The following GPAT3 variants were observed in gnomAD, a reference collection of about 807,000 sequenced individuals.
GPAT3 encodes the protein glycerol-3-phosphate acyltransferase 3, also known as 1-AGP acyltransferase 9.
GPAT3 carries 53 observed loss-of-function variants against 58.8 expected under a neutral mutation model. That is an observed-to-expected ratio of 0.90 (90% confidence interval 0.72 to 1.13). The LOEUF (loss-of-function observed/expected upper bound fraction) is 1.13. GPAT3 is among the 50% of genes most tolerant of loss of function. The pLI, the probability that GPAT3 is intolerant of heterozygous loss-of-function variation, is 0.00. For missense variants in GPAT3, 511 were observed against 527.6 expected (o/e 0.97, Z 0.31); for synonymous variants, 197 against 187.4 (o/e 1.05, Z -0.42).
chr4:83,568,120 G>A (rs1725471548), intron 2 of GPAT3, among the ~76,000 whole-genome samples: 2 of 151,650 alleles, frequency 1.3e-5, no homozygotes, highest in Admixed American at 1.3e-4. Context: ...TTAAGTAGTG[G>A]GGTGTGCAGG....
intron 2 of GPAT3, among the ~76,000 whole-genome samples, chr4:83,555,096 G>A (rs535671108): frequency 1.7e-4 from 26 of 152,172 alleles, no homozygotes; most frequent in Admixed American, 1.0e-3. Context: ...GAGCCACTGC[G>A]CCTGGCCTCC....
At position 83,569,838 on chromosome 4, in the gene GPAT3, TA is replaced by T. The variant is rs797004680; in HGVS notation, c.209-11714del. Among the ~76,000 whole-genome samples the T allele has an allele frequency of 4.6e-3, 678 of 147,678 alleles. 4 individuals carry two copies. Among genetic ancestry groups the T allele is most frequent in the African/African-American group, 0.015 (617 of 40,408 alleles). ...AGCTGTAAAAGATTCCTGCCTCAGT[TA>T]AAAAAAAAAGGGTGAATTGTGTCAC... is the stretch of plus-strand genomic sequence containing the variant. On this transcript the variant is annotated intron_variant, in intron 2 of 11. Coordinates refer to ENST00000264409, the MANE Select transcript of GPAT3 (RefSeq NM_032717.5).
At chr4:83,596,584 TG>T (rs1726847784) in intron 7 of GPAT3, among the ~76,000 whole-genome samples, 2 of 152,062 alleles carry the variant, frequency 1.3e-5, no homozygotes, top group Admixed American at 1.3e-4. Flanking sequence ...ATCATGCCAC[TG>T]CACTCCAGCC....
At chr4:83,595,844 G>A (rs1726806152) in intron 7 of GPAT3, among the ~76,000 whole-genome samples, 1 of 152,198 alleles carries the variant, frequency 6.6e-6, no homozygotes, top group Non-Finnish European at 1.5e-5. Flanking sequence ...TAACTGGAAG[G>A]CACATTGGTT....
At chr4:83,579,049 T>TCC (rs1491180251) in intron 2 of GPAT3, among the ~76,000 whole-genome samples, 527 of 40,462 alleles carry the variant, frequency 0.013, 58 homozygotes, top group African/African-American at 0.053. Context: ...TTTCTTTCTT[T>TCC]CTTTCTTTCT....
At chr4:83,583,667 G>GGAAAAAAAAA (rs1553947553) in intron 3 of GPAT3, among the ~76,000 whole-genome samples, 34 of 23,472 alleles carry the variant, frequency 1.4e-3, no homozygotes, top group African/African-American at 6.3e-3. Context: ...ACTCTTGTCT[G>GGAAAAAAAAA]AAAAAAAAAA....
chr4:83,580,980 C>A (rs1726095295), intron 2 of GPAT3, among the ~76,000 whole-genome samples: 1 of 150,624 alleles, frequency 6.6e-6, no homozygotes, highest in Admixed American at 6.7e-5. Flanking sequence ...CCTGTAGTCC[C>A]AGCTGCTTGG....
chr4:83,540,152 A>C (rs1021081882), intron 1 of GPAT3, among the ~76,000 whole-genome samples: 20 of 139,488 alleles, frequency 1.4e-4, no homozygotes, highest in African/African-American at 4.9e-4. Context: ...GCAAGACTCC[A>C]TCTAAAAAAA....
chr4:83,602,081 G>A (rs1372404431), intron 11 of GPAT3, among the ~76,000 whole-genome samples: 2 of 152,122 alleles, frequency 1.3e-5, no homozygotes, highest in Non-Finnish European at 2.9e-5. Flanking sequence ...AACGACCTTG[G>A]TCCACAGATG....
chr4:83,557,341 G>T (rs973406116), intron 2 of GPAT3, among the ~76,000 whole-genome samples: 2 of 152,084 alleles, frequency 1.3e-5, no homozygotes, highest in South Asian at 2.1e-4. Context: ...AAATAACAGG[G>T]TCAGCAAATC....
intron 6 of GPAT3, among the ~76,000 whole-genome samples, chr4:83,590,511 T>G (rs1242159938): frequency 6.6e-6 from 1 of 152,218 alleles, no homozygotes; most frequent in Non-Finnish European, 1.5e-5. Context: ...AAAAATTAAC[T>G]TACTGAAATG....
rs1346007520 is a variant in GPAT3, at chr4:83,585,994, G to A, written c.480-1261G>A. Among the ~76,000 whole-genome samples, 5 of 152,054 alleles carry A rather than the reference G, an allele frequency of 3.3e-5. No individual in the cohort carries two copies. In the East Asian group the frequency reaches 7.7e-4, roughly 23 times the overall value. On this transcript the variant is annotated intron_variant, in intron 3 of 11. Transcript: ENST00000264409. The stretch of plus-strand genomic sequence containing the variant: ...TCTGGAGCCCTGGGTTCAAATCCTG[G>A]CTCGGTTGCTTATTTTCTGTGTAAC...
At chr4:83,560,949 T>A (rs1317237142) in intron 2 of GPAT3, among the ~76,000 whole-genome samples, 1 of 152,208 alleles carries the variant, frequency 6.6e-6, no homozygotes, top group Non-Finnish European at 1.5e-5. Context: ...ATGCTTCCTG[T>A]ACAACCTGCA....
At chr4:83,586,446 C>A (rs1280266028) in intron 3 of GPAT3, among the ~76,000 whole-genome samples, 1 of 152,116 alleles carries the variant, frequency 6.6e-6, no homozygotes, top group Non-Finnish European at 1.5e-5. Flanking sequence ...CTTCTGGGAA[C>A]AGGAAGACAT....
Position 83,604,789 on chromosome 4 carries a change from G to C in GPAT3, c.*22G>C. Reference sequence around the variant, plus strand: ...CTAAGAGGACGGATGACAGCCTTTAGATCTAGAACTAGCCCTTAGAAATGG... The same window carrying C: ...CTAAGAGGACGGATGACAGCCTTTACATCTAGAACTAGCCCTTAGAAATGG... On this transcript the variant is annotated 3_prime_UTR_variant, in exon 12 of 12. Coordinates refer to ENST00000264409, the MANE Select transcript of GPAT3 (RefSeq NM_032717.5). 6.3e-7 allele frequency: 1 copy of C among 1,580,234 alleles called. No individual in the cohort carries two copies. Among genetic ancestry groups the C allele is most frequent in the Non-Finnish European group, 8.7e-7 (1 of 1,151,014 alleles).
At chr4:83,547,549 G>A (rs1402445314) in intron 2 of GPAT3, among the ~76,000 whole-genome samples, 3 of 152,018 alleles carry the variant, frequency 2.0e-5, no homozygotes, top group African/African-American at 7.2e-5. Context: ...ACTGCGCCTG[G>A]CCTCTGCTGC....
At chr4:83,588,373 G>A in intron 5 of GPAT3, 74 bp downstream of exon 5, 1 of 1,455,310 alleles carries the variant, frequency 6.9e-7, no homozygotes, top group South Asian at 1.2e-5. Flanking sequence ...AGCATTGGAA[G>A]TGGTTGGGAA....
intron 2 of GPAT3, among the ~76,000 whole-genome samples, chr4:83,547,864 T>G (rs1172565951): frequency 6.6e-6 from 1 of 151,222 alleles, no homozygotes; most frequent in African/African-American, 2.4e-5. Flanking sequence ...TTTTTTTTTT[T>G]TTTTTTGAGA....
At chr4:83,564,905 G>A (rs1725327203) in intron 2 of GPAT3, among the ~76,000 whole-genome samples, 2 of 151,290 alleles carry the variant, frequency 1.3e-5, no homozygotes, top group East Asian at 1.9e-4. Flanking sequence ...AAGTTTTAAG[G>A]GAATTCTCCA....
Sources: allele counts gnomAD v4.1 joint callset (sites outside exome capture counted in the v4.1 genomes callset), GRCh38; gene constraint gnomAD v4.1.1; transcripts MANE v1.5; gene names NCBI Gene and HGNC (gene_info 2026-07-23, HGNC 2026-07-21).